The following C13orf46 variants were observed in gnomAD, a reference collection of about 807,000 sequenced individuals.
C13orf46 encodes uncharacterized protein C13orf46.
At chr13:113,941,564 ACT>A in the C13orf46 span, among the ~76,000 whole-genome samples, 1 of 152,064 alleles carries the variant, frequency 6.6e-6, no homozygotes, top group African/African-American at 2.4e-5. Context: ...GGTCTCTGGG[ACT>A]CTGTGTGTGA....
intron 6 of C13orf46, among the ~76,000 whole-genome samples, chr13:113,960,101 A>G (rs1283677723): frequency 6.6e-6 from 1 of 151,998 alleles, no homozygotes; most frequent in African/African-American, 2.4e-5. Flanking sequence ...AAATACAAAA[A>G]AAAAAATTAG....
chr13:113,963,773 T>C (rs1232737113), intron 6 of C13orf46, among the ~76,000 whole-genome samples: 1 of 152,064 alleles, frequency 6.6e-6, no homozygotes, highest in Non-Finnish European at 1.5e-5. Context: ...GCTGGGGTGA[T>C]TTTTAAACAT....
the C13orf46 span, among the ~76,000 whole-genome samples, chr13:113,933,098 C>G: frequency 2.0e-5 from 3 of 152,330 alleles, no homozygotes; most frequent in East Asian, 5.8e-4. Context: ...CTCCTGACCT[C>G]AAATGATCCA....
chr13:113,938,457 C>G, the C13orf46 span, among the ~76,000 whole-genome samples: 1 of 152,318 alleles, frequency 6.6e-6, no homozygotes, highest in African/African-American at 2.4e-5. Context: ...CATCTTCAAA[C>G]CCAGCATCTT....
the C13orf46 span, among the ~76,000 whole-genome samples, chr13:113,930,585 C>G: frequency 5.9e-5 from 9 of 152,294 alleles, no homozygotes; most frequent in African/African-American, 1.7e-4. Context: ...CCTGAGCCCC[C>G]ACGAGCATCC....
the C13orf46 span, among the ~76,000 whole-genome samples, chr13:113,945,434 ACTCAGGAGG>A: frequency 6.6e-6 from 1 of 151,874 alleles, no homozygotes; most frequent in Non-Finnish European, 1.5e-5. Flanking sequence ...AGTCCCAGCT[ACTCAGGAGG>A]CTGAGGCAGG....
downstream of C13orf46, among the ~76,000 whole-genome samples, chr13:113,951,403 G>A (rs926007808): frequency 2.6e-5 from 4 of 152,064 alleles, no homozygotes; most frequent in African/African-American, 7.2e-5. Flanking sequence ...ACGTCCCTTC[G>A]TGGACTGCGT....
chr13:113,973,787 C>A (rs2052734341), intron 1 of C13orf46, 21 bp downstream of exon 1: 1 of 152,342 alleles, frequency 6.6e-6, no homozygotes, highest in Non-Finnish European at 1.5e-5. Context: ...CACCCGCTCC[C>A]CGCGGCCCCA....
At chr13:113,945,577 G>GAAAGAAAGAA in the C13orf46 span, among the ~76,000 whole-genome samples, 304 of 127,278 alleles carry the variant, frequency 2.4e-3, 3 homozygotes, top group African/African-American at 6.5e-3. Context: ...AAGAAAGAAA[G>GAAAGAAAGAA]AGAGAGAGAG....
chr13:113,946,318 T>G, the C13orf46 span, among the ~76,000 whole-genome samples: 1 of 152,170 alleles, frequency 6.6e-6, no homozygotes, highest in Non-Finnish European at 1.5e-5. Context: ...TAACAGGACC[T>G]ATGTGGCATG....
chr13:113,968,697 C>G lies in C13orf46; in HGVS notation c.306G>C (p.Glu102Asp), dbSNP rs1423594149. 2.0e-5 allele frequency: 3 copies of G among 152,374 alleles called. No individual in the cohort carries two copies. The highest frequency in any genetic ancestry group is 7.2e-5 in the African/African-American group (3 of 41,464). The allele number at this position is 152,374 out of a possible 1,614,324, so 9.4% of individuals were successfully genotyped here. A position where few individuals can be genotyped will look rare whatever the true frequency, so the allele number is the denominator to read the frequency against. Reference sequence around the variant, plus strand: ...CCCTCTCTGGGTCTTGTTTTCCACTCTCATGACCCAGCTTCCCAAGGGTGC... The same window carrying G: ...CCCTCTCTGGGTCTTGTTTTCCACTGTCATGACCCAGCTTCCCAAGGGTGC... ...SFSTLGKLGH[E>D]SGKQDPEREK... Residue 102 changes from glutamate to aspartate, a missense_variant, in exon 3 of 7, where the codon GAG becomes GAC. Coordinates refer to ENST00000636427, the MANE Select transcript of C13orf46 (RefSeq NM_001365455.2).
chr13:113,946,680 T>C, the C13orf46 span, among the ~76,000 whole-genome samples: 3 of 152,242 alleles, frequency 2.0e-5, no homozygotes, highest in Admixed American at 2.0e-4. Context: ...CCCTGTGCCC[T>C]ATGGCATCGT....
chr13:113,945,599 AAG>A, the C13orf46 span, among the ~76,000 whole-genome samples: 1 of 117,572 alleles, frequency 8.5e-6, no homozygotes, highest in East Asian at 2.2e-4. Context: ...GAGAGAAAGA[AAG>A]AAAGAAGAAA....
chr13:113,948,504 C>T, the C13orf46 span, among the ~76,000 whole-genome samples: 1 of 152,222 alleles, frequency 6.6e-6, no homozygotes. Context: ...GGGAACTGGG[C>T]CACGAAACTG....
chr13:113,965,246 C>T (rs1166837872), intron 5 of C13orf46, among the ~76,000 whole-genome samples: 2 of 152,326 alleles, frequency 1.3e-5, no homozygotes, highest in South Asian at 4.1e-4. Flanking sequence ...GACTGGCCCT[C>T]CTTGAGTCCT....
At chr13:113,964,710 T>G (rs2052619667) in intron 6 of C13orf46, among the ~76,000 whole-genome samples, 1 of 152,128 alleles carries the variant, frequency 6.6e-6, no homozygotes, top group African/African-American at 2.4e-5. Flanking sequence ...ATCGTGAAGC[T>G]CGTCCCTGAG....
the C13orf46 span, among the ~76,000 whole-genome samples, chr13:113,945,573 GAA>G: frequency 0.11 from 10,503 of 95,706 alleles, 703 homozygotes; most frequent in South Asian, 0.18. Context: ...AAGAAAGAAA[GAA>G]AGAGAGAGAG....
chr13:113,929,587 G>A, the C13orf46 span, among the ~76,000 whole-genome samples: 1 of 152,230 alleles, frequency 6.6e-6, no homozygotes, highest in African/African-American at 2.4e-5. Flanking sequence ...CATGTGGGAC[G>A]AAAGCCCAGG....
chr13:113,940,364 G>A, the C13orf46 span, among the ~76,000 whole-genome samples: 1 of 152,234 alleles, frequency 6.6e-6, no homozygotes, highest in Non-Finnish European at 1.5e-5. Context: ...TATTCCCAGG[G>A]GAAGCACTTT....
Sources: allele counts gnomAD v4.1 joint callset (sites outside exome capture counted in the v4.1 genomes callset), GRCh38; gene constraint gnomAD v4.1.1; transcripts MANE v1.5; gene names NCBI Gene and HGNC (gene_info 2026-07-23, HGNC 2026-07-21).